Variants in SAMTOR observed in about 807,000 individuals in gnomAD.
SAMTOR encodes the protein S-adenosylmethionine sensor upstream of mTORC1, also known as UPF0532 protein C7orf60.
chr7:112,893,164 A>T, the SAMTOR span, among the ~76,000 whole-genome samples: 1 of 152,164 alleles, frequency 6.6e-6, no homozygotes, highest in African/African-American at 2.4e-5. Flanking sequence ...CTAACAAGAG[A>T]GGCTGCCTGT....
the SAMTOR span, among the ~76,000 whole-genome samples, chr7:112,845,830 A>G: frequency 2.0e-5 from 3 of 152,204 alleles, no homozygotes; most frequent in African/African-American, 7.2e-5. Context: ...CGTGGAATCA[A>G]CCTAAATGCC....
the SAMTOR span, chr7:112,832,717 A>G: frequency 1.3e-5 from 16 of 1,233,540 alleles, no homozygotes; most frequent in East Asian, 3.7e-4. Flanking sequence ...AAATATGAGA[A>G]TGTAAGAAAT....
the SAMTOR span, among the ~76,000 whole-genome samples, chr7:112,927,631 A>G: frequency 6.6e-6 from 1 of 151,990 alleles, no homozygotes; most frequent in Non-Finnish European, 1.5e-5. Context: ...GTACAAGGGG[A>G]AAGGGAGGCG....
the SAMTOR span, among the ~76,000 whole-genome samples, chr7:112,917,588 G>C: frequency 1.3e-5 from 2 of 152,350 alleles, no homozygotes; most frequent in African/African-American, 4.8e-5. Flanking sequence ...ACGGAATAAA[G>C]CTTGGCAGAG....
chr7:112,903,707 T>A, the SAMTOR span, among the ~76,000 whole-genome samples: 69 of 152,272 alleles, frequency 4.5e-4, no homozygotes, highest in Non-Finnish European at 8.7e-4. Flanking sequence ...AGGAACAAGA[T>A]ACAAAAGTAA....
the SAMTOR span, among the ~76,000 whole-genome samples, chr7:112,867,180 T>A: frequency 6.6e-6 from 1 of 152,224 alleles, no homozygotes; most frequent in African/African-American, 2.4e-5. Flanking sequence ...GTGTCAGGGA[T>A]AAGAAGCTTA....
the SAMTOR span, chr7:112,819,609 A>G: frequency 6.6e-6 from 1 of 152,548 alleles, no homozygotes; most frequent in Non-Finnish European, 1.5e-5. Flanking sequence ...ATATAAATTC[A>G]AACAAATTTA....
the SAMTOR span, among the ~76,000 whole-genome samples, chr7:112,874,512 G>A: frequency 1.3e-5 from 2 of 152,022 alleles, no homozygotes; most frequent in African/African-American, 4.8e-5. Flanking sequence ...AGGTAGGAGG[G>A]TAAGGGATAA....
chr7:112,888,854 C>T, the SAMTOR span, among the ~76,000 whole-genome samples: 2 of 152,016 alleles, frequency 1.3e-5, no homozygotes, highest in African/African-American at 4.8e-5. Context: ...ATTTCATCTA[C>T]ATATTTAAAA....
the SAMTOR span, among the ~76,000 whole-genome samples, chr7:112,892,872 T>G: frequency 6.6e-6 from 1 of 152,146 alleles, no homozygotes; most frequent in African/African-American, 2.4e-5. Flanking sequence ...GAAAACAACA[T>G]TCATCTCCTC....
chr7:112,869,425 C>T, the SAMTOR span, among the ~76,000 whole-genome samples: 17 of 152,232 alleles, frequency 1.1e-4, 1 homozygote, highest in South Asian at 3.3e-3. Context: ...TACATCTCTA[C>T]ACCAAGCAAC....
the SAMTOR span, among the ~76,000 whole-genome samples, chr7:112,897,460 TCTAAC>T: frequency 6.6e-6 from 1 of 152,274 alleles, no homozygotes; most frequent in Non-Finnish European, 1.5e-5. Context: ...TTTTATGTGG[TCTAAC>T]CTAACAGCTA....
At chr7:112,822,462 CAT>C in the SAMTOR span, 2 of 1,067,242 alleles carry the variant, frequency 1.9e-6, no homozygotes, top group Non-Finnish European at 2.7e-6. Context: ...TTTCACATAT[CAT>C]AGTAATTCCA....
the SAMTOR span, among the ~76,000 whole-genome samples, chr7:112,921,933 G>T: frequency 1.8e-3 from 262 of 143,160 alleles, no homozygotes; most frequent in African/African-American, 7.1e-3. Flanking sequence ...AAAAAGTCAG[G>T]AAAGCCCCTC....
the SAMTOR span, among the ~76,000 whole-genome samples, chr7:112,827,845 G>A: frequency 1.3e-5 from 2 of 152,024 alleles, no homozygotes; most frequent in African/African-American, 4.8e-5. Context: ...TCTGTCTCCT[G>A]AGCAGCTGGG....
the SAMTOR span, among the ~76,000 whole-genome samples, chr7:112,933,301 TATG>T: frequency 6.6e-6 from 1 of 152,198 alleles, no homozygotes; most frequent in Non-Finnish European, 1.5e-5. Flanking sequence ...CTGAAGAAGA[TATG>T]ATTATAATAG....
the SAMTOR span, chr7:112,915,475 G>T: frequency 1.3e-6 from 2 of 1,536,986 alleles, no homozygotes; most frequent in Non-Finnish European, 8.8e-7. Flanking sequence ...AATGAATTAA[G>T]TTTACACTGA....
At chr7:112,853,488 A>G in the SAMTOR span, among the ~76,000 whole-genome samples, 2 of 152,030 alleles carry the variant, frequency 1.3e-5, no homozygotes, top group African/African-American at 4.8e-5. Flanking sequence ...TATTTCCTAC[A>G]TAATTTTGTT....
chr7:112,913,392 G>A, the SAMTOR span, among the ~76,000 whole-genome samples: 1 of 152,154 alleles, frequency 6.6e-6, no homozygotes, highest in Non-Finnish European at 1.5e-5. Context: ...ACACTGTCCT[G>A]TCAACTCACT....
Sources: allele counts gnomAD v4.1 joint callset (sites outside exome capture counted in the v4.1 genomes callset), GRCh38; gene constraint gnomAD v4.1.1; transcripts MANE v1.5; gene names NCBI Gene and HGNC (gene_info 2026-07-23, HGNC 2026-07-21).